Variants in MAP4K4 observed in about 807,000 individuals in gnomAD.
MAP4K4 encodes mitogen-activated protein kinase kinase kinase kinase 4.
MAP4K4 carries 38 observed loss-of-function variants against 189.6 expected under a neutral mutation model. The ratio of observed to expected loss-of-function variants is 0.20; its 90% CI spans 0.15 to 0.26. MAP4K4 has a LOEUF of 0.26. Among genes scored for constraint, MAP4K4 ranks in the 10% least tolerant of loss-of-function variants. The probability of loss-of-function intolerance (pLI) is 1.00; values close to 1 mark genes in which losing one functional copy is unlikely to be tolerated. For synonymous variants in MAP4K4, 610 were observed against 624.3 expected (o/e 0.98, Z 0.34); for missense variants, 1,054 against 1,726.9 (o/e 0.61, Z 6.91).
intron 3 of MAP4K4, among the ~76,000 whole-genome samples, chr2:101,819,094 C>CT (rs1024446884): frequency 6.6e-6 from 1 of 152,152 alleles, no homozygotes; most frequent in African/African-American, 2.4e-5. Context: ...GCCAACTCAA[C>CT]TTTCTTTTTG....
intron 2 of MAP4K4, among the ~76,000 whole-genome samples, chr2:101,703,814 C>A (rs927885054): frequency 2.6e-5 from 4 of 151,764 alleles, no homozygotes; most frequent in Admixed American, 1.3e-4. Context: ...GAGTTCAAGA[C>A]CAGCCTGTCA....
intron 2 of MAP4K4, among the ~76,000 whole-genome samples, chr2:101,701,650 C>T (rs973310291): frequency 3.9e-5 from 6 of 151,978 alleles, no homozygotes; most frequent in Non-Finnish European, 5.9e-5. Context: ...AGGTGAAAAA[C>T]GGGGTGTATT....
intron 32 of MAP4K4, among the ~76,000 whole-genome samples, chr2:101,890,244 A>G (rs952898251): frequency 1.3e-5 from 2 of 152,170 alleles, no homozygotes; most frequent in African/African-American, 4.8e-5. Flanking sequence ...TGTGTTTTTT[A>G]AAGACATTTA....
chr2:101,797,348 G>A, intron 3 of MAP4K4: 1 of 1,290,792 alleles, frequency 7.7e-7, no homozygotes, highest in Non-Finnish European at 1.0e-6. Context: ...GCATGACTCT[G>A]GCAGACTTAC....
chr2:101,774,370 G>A (rs1005277833), intron 2 of MAP4K4, among the ~76,000 whole-genome samples: 1 of 152,170 alleles, frequency 6.6e-6, no homozygotes, highest in African/African-American at 2.4e-5. Flanking sequence ...TTTGAGAAAC[G>A]TCTGTTGAAG....
At chr2:101,757,759 C>T (rs2073645937) in intron 2 of MAP4K4, among the ~76,000 whole-genome samples, 1 of 152,204 alleles carries the variant, frequency 6.6e-6, no homozygotes, top group Admixed American at 6.5e-5. Flanking sequence ...GTGGCTCACG[C>T]CTGTAATGCC....
At chr2:101,784,962 T>C (rs1249787960) in intron 2 of MAP4K4, among the ~76,000 whole-genome samples, 1 of 152,134 alleles carries the variant, frequency 6.6e-6, no homozygotes, top group Admixed American at 6.6e-5. Flanking sequence ...TAAACAACAA[T>C]GCATATAAAA....
In MAP4K4 at chr2:101,745,995, TGTGTG is replaced by T. The variant is rs1558696268; in HGVS notation, c.124-44724_124-44720del. 5.4e-4 allele frequency among the ~76,000 whole-genome samples: 82 copies of T among 150,998 alleles called. 1 individual carries two copies. The highest frequency in any genetic ancestry group is 2.0e-3 in the African/African-American group (82 of 41,346). ...CTTTGTGTGTGTGTGTGTGTGTGTGTGTGTGTGTGTGTTTTAAATAAGTTTCACTT... is the reference window on the plus strand; with the variant it reads ...CTTTGTGTGTGTGTGTGTGTGTGTGTTGTGTGTTTTAAATAAGTTTCACTT... On this transcript the variant is annotated intron_variant, in intron 2 of 32. Transcript: ENST00000324219.
At chr2:101,750,759 A>G (rs2068481022) in intron 2 of MAP4K4, among the ~76,000 whole-genome samples, 1 of 150,914 alleles carries the variant, frequency 6.6e-6, no homozygotes. Context: ...TGGGAGGTGG[A>G]GGTTGTAATG....
chr2:101,800,042 C>T (rs1414539399), intron 3 of MAP4K4, among the ~76,000 whole-genome samples: 1 of 151,912 alleles, frequency 6.6e-6, no homozygotes, highest in Non-Finnish European at 1.5e-5. Flanking sequence ...CCTTCATTCA[C>T]GTGGGTGGTG....
chr2:101,892,003 AAAAAAAAAAAAAG>A lies in MAP4K4; in HGVS notation c.*755_*767del, dbSNP rs1559366582. On this transcript the variant is annotated 3_prime_UTR_variant, in exon 33 of 33. Coordinates refer to ENST00000324219, the Ensembl canonical transcript of MAP4K4. Reference sequence around the variant, plus strand: ...AGATGGTTCTAAAAAAAAAAAAAAAAAAAAAAAAAAAAGGAAAAAAAAAAAGAAAAAGAAAACG... The same window carrying A: ...AGATGGTTCTAAAAAAAAAAAAAAAAGAAAAAAAAAAAGAAAAAGAAAACG... 1.5e-4 allele frequency: 23 copies of A among 150,612 alleles called. No individual in the cohort carries two copies. In the South Asian group the frequency reaches 3.3e-3, roughly 22 times the overall value. The allele number at this position is 150,612 out of a possible 1,614,324, so 9.3% of individuals were successfully genotyped here.
intron 2 of MAP4K4, among the ~76,000 whole-genome samples, chr2:101,739,497 G>A (rs1574619493): frequency 6.6e-6 from 1 of 152,112 alleles, no homozygotes; most frequent in Admixed American, 6.6e-5. Context: ...CTGTGCTATG[G>A]GTTTTTAGTG....
At chr2:101,723,395 A>G (rs1018519592) in intron 2 of MAP4K4, among the ~76,000 whole-genome samples, 24 of 152,352 alleles carry the variant, frequency 1.6e-4, no homozygotes, top group Non-Finnish European at 2.8e-4. Context: ...TTAGATGCAT[A>G]TCTTACATGG....
chr2:101,766,889 C>A lies in MAP4K4; in HGVS notation c.124-23831C>A, dbSNP rs1026413716. ...ATGAAACAACAAAAGCAGAGACTTA[C>A]TGAAAATGAAAGCACACTCCACAGG... On this transcript the variant is annotated intron_variant, in intron 2 of 32. Coordinates refer to ENST00000324219, the Ensembl canonical transcript of MAP4K4. Among the ~76,000 whole-genome samples the A allele has an allele frequency of 9.8e-5, 15 of 152,312 alleles. 1 individual carries two copies. Among genetic ancestry groups the A allele is most frequent in the African/African-American group, 3.6e-4 (15 of 41,554 alleles).
At chr2:101,768,435 C>T (rs954621942) in intron 2 of MAP4K4, among the ~76,000 whole-genome samples, 5 of 152,256 alleles carry the variant, frequency 3.3e-5, no homozygotes, top group African/African-American at 1.2e-4. Context: ...TAAAACACCA[C>T]ATTGCTGTCG....
chr2:101,760,926 C>A (rs1193362194), intron 2 of MAP4K4, among the ~76,000 whole-genome samples: 3 of 152,206 alleles, frequency 2.0e-5, no homozygotes, highest in African/African-American at 7.2e-5. Flanking sequence ...TCGCTTGAAT[C>A]TGGGAGGCGG....
chr2:101,710,451 T>C (rs2044781759), intron 2 of MAP4K4, among the ~76,000 whole-genome samples: 2 of 152,260 alleles, frequency 1.3e-5, no homozygotes, highest in African/African-American at 2.4e-5. Flanking sequence ...ATTTTGAGCC[T>C]ACTCTGCTAG....
exon 12 of MAP4K4, chr2:101,844,264 C>G (rs1460205391): frequency 1.9e-6 from 3 of 1,575,092 alleles, no homozygotes; most frequent in Non-Finnish European, 1.7e-6. Flanking sequence ...GGCAGAGAGA[C>G]AGAAGCGGAT....
chr2:101,846,978 T>A (rs890327357), intron 12 of MAP4K4, among the ~76,000 whole-genome samples: 1 of 152,214 alleles, frequency 6.6e-6, no homozygotes, highest in Non-Finnish European at 1.5e-5. Context: ...GCCCCTGATA[T>A]AAAGTGGCCT....
Sources: gnomAD v4.1 joint callset for allele counts (sites outside exome capture counted in the v4.1 genomes callset) on GRCh38, gnomAD v4.1.1 for gene constraint, MANE v1.5 for transcripts, NCBI Gene and HGNC (gene_info 2026-07-23, HGNC 2026-07-21) for gene names.